Variants in PTBP3 observed in about 807,000 individuals in gnomAD.
The protein encoded by PTBP3 is polypyrimidine tract-binding protein 3.
Under a neutral mutation model 58.7 loss-of-function variants are expected in PTBP3, and 20 were observed. That is an observed-to-expected ratio of 0.34 (90% CI 0.24 to 0.50). The LOEUF (loss-of-function observed/expected upper bound fraction) is 0.50, where lower values mean the gene tolerates loss of function less well. Ranked by LOEUF, PTBP3 falls within the 20% of genes least tolerant of loss-of-function variation. The pLI is 0.98. For synonymous variants in PTBP3, 185 were observed against 219.8 expected (o/e 0.84, Z 1.40); for missense variants, 509 against 637.2 (o/e 0.80, Z 2.17).
intron 1 of PTBP3, among the ~76,000 whole-genome samples, chr9:112,315,345 T>C (rs1417711502): frequency 7.3e-5 from 11 of 151,054 alleles, no homozygotes; most frequent in Non-Finnish European, 1.0e-4. Context: ...AACCAAAATA[T>C]TTATAAATTA....
intron 4 of PTBP3, among the ~76,000 whole-genome samples, chr9:112,265,704 C>T (rs145874879): frequency 5.9e-5 from 9 of 152,050 alleles, no homozygotes; most frequent in Non-Finnish European, 1.0e-4. Context: ...GCATGTTAGA[C>T]GAGACTGTGC....
the PTBP3 span, among the ~76,000 whole-genome samples, chr9:112,356,874 C>CTTTTTTTTT: frequency 2.2e-5 from 2 of 91,526 alleles, no homozygotes; most frequent in South Asian, 4.4e-4. Flanking sequence ...TCATTTCCCT[C>CTTTTTTTTT]TTTTTTTTTT....
intron 9 of PTBP3, 33 bp from the exon 10 acceptor site, chr9:112,231,446 C>T (rs1202255941): frequency 6.6e-7 from 1 of 1,522,482 alleles, no homozygotes; most frequent in African/African-American, 1.4e-5. Flanking sequence ...AAGTGTCTGA[C>T]AATTTAAGTA....
In PTBP3 at chr9:112,223,129, A is replaced by C. The variant is rs2131935599; in HGVS notation, c.*722T>G. The C allele has an allele frequency of 1.1e-6, 1 of 880,676 alleles. No homozygotes were observed. Among genetic ancestry groups the C allele is most frequent in the Non-Finnish European group, 1.4e-6 (1 of 734,250 alleles). 54.6% of individuals were successfully genotyped at this position (880,676 alleles called of 1,614,324 possible). On this transcript the variant is annotated 3_prime_UTR_variant, in exon 14 of 14. Coordinates refer to ENST00000374257, the MANE Select transcript of PTBP3 (RefSeq NM_001163788.4). ...AAATTATTAGTTATTCTGACATCTT[A>C]TTAACAGATCTTAGTTGAATTCCAC...
intron 1 of PTBP3, among the ~76,000 whole-genome samples, chr9:112,314,753 T>C (rs1230788344): frequency 6.6e-6 from 1 of 151,958 alleles, no homozygotes; most frequent in Non-Finnish European, 1.5e-5. Context: ...GAAATTTCAA[T>C]ATTTCTCTTC....
chr9:112,312,899 C>T (rs1829549346), intron 1 of PTBP3, among the ~76,000 whole-genome samples: 1 of 151,896 alleles, frequency 6.6e-6, no homozygotes, highest in South Asian at 2.1e-4. Context: ...CAAAAATTAG[C>T]CAGGTATGGT....
chr9:112,283,238 A>G (rs1404247003), intron 2 of PTBP3, among the ~76,000 whole-genome samples: 1 of 152,170 alleles, frequency 6.6e-6, no homozygotes, highest in Non-Finnish European at 1.5e-5. Context: ...GTGACTTTGG[A>G]ACTGGGTAAT....
the PTBP3 span, among the ~76,000 whole-genome samples, chr9:112,371,632 G>T: frequency 1.4e-5 from 2 of 141,542 alleles, no homozygotes; most frequent in Non-Finnish European, 3.0e-5. Context: ...GAGAACTGGA[G>T]AAGTTTTTAG....
chr9:112,233,272 GGTGTGTGT>G (rs72086685), intron 8 of PTBP3, among the ~76,000 whole-genome samples: 8,242 of 144,314 alleles, frequency 0.057, 359 homozygotes, highest in African/African-American at 0.12. Context: ...TACACTGTAG[GGTGTGTGT>G]GTGTGTGTGT....
chr9:112,279,621 T>C (rs1484890917), intron 2 of PTBP3, among the ~76,000 whole-genome samples: 1 of 151,970 alleles, frequency 6.6e-6, no homozygotes, highest in East Asian at 2.0e-4. Flanking sequence ...TAGTATCCCT[T>C]TGCAGTTAGT....
At chr9:112,337,818 G>A (rs1284455281), upstream of PTBP3, among the ~76,000 whole-genome samples, 1 of 152,230 alleles carries the variant, frequency 6.6e-6, no homozygotes. Context: ...CCAGTAGGCA[G>A]TGGTTAGTTA....
intron 7 of PTBP3, among the ~76,000 whole-genome samples, chr9:112,237,813 T>G (rs1835493769): frequency 6.6e-6 from 1 of 152,140 alleles, no homozygotes; most frequent in African/African-American, 2.4e-5. Flanking sequence ...TCCTCCCATC[T>G]TCAAAAGACT....
Position 112,232,236 on chromosome 9 carries a change from G to C in PTBP3, c.883C>G (p.Leu295Val). The change falls in exon 9 of 14, where the codon CTA becomes GTA. Residue 295 changes from leucine (L) to valine (V), a missense_variant and splice_region_variant. Around this residue, in one of 4 missense-constraint regions of PTBP3, gnomAD observed 121 missense variants for 114.8 expected, o/e 1.05. Coordinates refer to ENST00000374257, the MANE Select transcript of PTBP3 (RefSeq NM_001163788.4). ...PAIGFPQATG[L>V]SVPAVPGALG... ...GCTCCAGGAACAGCTGGAACTGATA[G>C]ACCTTTTAAAAATACCAAAAGCATT... The C allele has an allele frequency of 6.3e-7, 1 of 1,593,018 alleles. No homozygotes were observed. The highest frequency in any genetic ancestry group is 8.5e-7 in the Non-Finnish European group (1 of 1,169,728).
intron 1 of PTBP3, among the ~76,000 whole-genome samples, 182 bp from the exon 2 acceptor site, chr9:112,298,098 C>G (rs1828770736): frequency 6.6e-6 from 1 of 152,188 alleles, no homozygotes; most frequent in Non-Finnish European, 1.5e-5. Flanking sequence ...TGCAAATCCA[C>G]AACTATATAA....
chr9:112,363,292 C>G, the PTBP3 span, among the ~76,000 whole-genome samples: 1 of 152,122 alleles, frequency 6.6e-6, no homozygotes, highest in South Asian at 2.1e-4. Flanking sequence ...CGCTTGTGAT[C>G]TCAGAACTTT....
chr9:112,234,878 A>C lies in PTBP3; in HGVS notation c.822T>G (p.Ser274=), dbSNP rs1396927255. ...AAAFGAPGII[S]SPYAGAAGFA... Reference sequence around the variant, plus strand: ...ATCCAGCAGCCCCTGCATATGGTGAAGAAATTATACCCGGTGCACCTAATG... The same window carrying C: ...ATCCAGCAGCCCCTGCATATGGTGACGAAATTATACCCGGTGCACCTAATG... The change falls in exon 8 of 14, where the codon TCT becomes TCG. Residue 274 remains serine (S), a synonymous_variant. Transcript: ENST00000374257. The C allele has an allele frequency of 6.2e-7, 1 of 1,612,692 alleles. No homozygotes were observed. The highest frequency in any genetic ancestry group is 8.5e-7 in the Non-Finnish European group (1 of 1,179,080).
chr9:112,357,264 T>C, the PTBP3 span, among the ~76,000 whole-genome samples: 1 of 152,218 alleles, frequency 6.6e-6, no homozygotes, highest in South Asian at 2.1e-4. Flanking sequence ...AGGAAATTCA[T>C]TACTGATACA....
At chr9:112,290,142 G>A (rs897946484) in intron 2 of PTBP3, among the ~76,000 whole-genome samples, 1 of 152,064 alleles carries the variant, frequency 6.6e-6, no homozygotes, top group African/African-American at 2.4e-5. Context: ...TAGTGTCAGA[G>A]GGTATCTGCA....
chr9:112,246,276 C>A (rs561325174), intron 7 of PTBP3, among the ~76,000 whole-genome samples: 3 of 151,906 alleles, frequency 2.0e-5, no homozygotes, highest in African/African-American at 7.3e-5. Context: ...AGCCACCGCA[C>A]CCAGCCAAGA....
Sources: gnomAD v4.1 joint callset for allele counts (sites outside exome capture counted in the v4.1 genomes callset) on GRCh38, gnomAD v4.1.1 for gene constraint, gnomAD v4.1.1 regional missense constraint, MANE v1.5 for transcripts, NCBI Gene and HGNC (gene_info 2026-07-23, HGNC 2026-07-21) for gene names.